The following CSMD1 variants were observed in gnomAD, a reference collection of about 807,000 sequenced individuals.
CSMD1 encodes the protein CUB and Sushi multiple domains 1, also known as CUB and sushi domain-containing protein 1.
Under a neutral mutation model 417.5 loss-of-function variants are expected in CSMD1, and 213 were observed. The ratio of observed to expected loss-of-function variants is 0.51; its 90% CI spans 0.46 to 0.57. CSMD1 has a LOEUF of 0.57. Among genes scored for constraint, CSMD1 ranks in the 20% least tolerant of loss-of-function variants. The pLI is 0.00. For missense variants in CSMD1, 6,923 were observed against 4,529.7 expected (o/e 1.53, Z -15.17); for synonymous variants, 2,862 against 1,736.8 (o/e 1.65, Z -16.11).
At chr8:4,553,805 G>A (rs1326545960) in intron 2 of CSMD1, among the ~76,000 whole-genome samples, 2 of 152,122 alleles carry the variant, frequency 1.3e-5, no homozygotes, top group East Asian at 3.9e-4. Context: ...AAAGACTTCT[G>A]GATCATCTAT....
chr8:3,960,900 A>G (rs2740834), intron 5 of CSMD1, among the ~76,000 whole-genome samples: 1 of 151,724 alleles, frequency 6.6e-6, no homozygotes, highest in Non-Finnish European at 1.5e-5. Context: ...CATATCACAA[A>G]AGTCCTCTAG....
At chr8:4,963,147 C>A (rs1026474942) in intron 1 of CSMD1, among the ~76,000 whole-genome samples, 1 of 152,090 alleles carries the variant, frequency 6.6e-6, no homozygotes, top group Admixed American at 6.6e-5. Flanking sequence ...CAGTCAATTG[C>A]CCTCTGTAAG....
chr8:4,533,811 T>C (rs574291378), intron 2 of CSMD1, among the ~76,000 whole-genome samples: 1 of 151,642 alleles, frequency 6.6e-6, no homozygotes, highest in East Asian at 1.9e-4. Context: ...CTATATTTTA[T>C]ATTTATATAA....
At chr8:3,931,890 T>C (rs74421265) in intron 5 of CSMD1, among the ~76,000 whole-genome samples, 3,127 of 143,770 alleles carry the variant, frequency 0.022, 244 homozygotes, top group African/African-American at 0.076. Flanking sequence ...TCAGACATTG[T>C]AGGAAAAGAA....
intron 12 of CSMD1, among the ~76,000 whole-genome samples, chr8:3,424,915 A>C (rs190878118): frequency 1.1e-3 from 168 of 152,234 alleles, no homozygotes; most frequent in African/African-American, 4.0e-3. Flanking sequence ...ACTCACTATG[A>C]TCTCAGGCTC....
intron 26 of CSMD1, among the ~76,000 whole-genome samples, chr8:3,253,487 G>A (rs895629707): frequency 3.9e-5 from 6 of 152,176 alleles, no homozygotes; most frequent in Non-Finnish European, 1.5e-5. Context: ...GTGTGGTGCT[G>A]AAAAGAATGT....
At chr8:3,524,418 C>CAA (rs1797666128) in intron 10 of CSMD1, among the ~76,000 whole-genome samples, 1 of 151,758 alleles carries the variant, frequency 6.6e-6, no homozygotes, top group Non-Finnish European at 1.5e-5. Context: ...TATGCACACA[C>CAA]AACCAGACAC....
chr8:4,344,733 T>C (rs1271769704), intron 3 of CSMD1, among the ~76,000 whole-genome samples: 1 of 152,036 alleles, frequency 6.6e-6, no homozygotes, highest in East Asian at 1.9e-4. Context: ...AGCAAAAGAA[T>C]ATAAAAGTTG....
chr8:4,243,640 A>C (rs965418772), intron 3 of CSMD1, among the ~76,000 whole-genome samples: 2 of 152,122 alleles, frequency 1.3e-5, no homozygotes, highest in African/African-American at 4.8e-5. Context: ...AAATTATTAC[A>C]GTTTCTTAAA....
At chr8:4,466,380 G>C (rs1465046404) in intron 2 of CSMD1, among the ~76,000 whole-genome samples, 1 of 152,186 alleles carries the variant, frequency 6.6e-6, no homozygotes, top group African/African-American at 2.4e-5. Flanking sequence ...GAGATGTATC[G>C]GGGAGTTGAA....
chr8:3,387,534 C>G lies in CSMD1; in HGVS notation c.2742G>C (p.Glu914Asp), dbSNP rs754369864. Residue 914 changes from glutamate (E) to aspartate (D), a missense_variant, in exon 18 of 70, where the codon GAG (glutamate) becomes GAC (aspartate). Physicochemically the swap from Glu to Asp is conservative, Grantham distance 45. Transcript: ENST00000635120. Reference sequence around the variant, plus strand: ...AGGCGTGGTTCCACTGGTGGTTCCTCTCACAGACGAGGGGCTCGTCGTCAC... The same window carrying G: ...AGGCGTGGTTCCACTGGTGGTTCCTGTCACAGACGAGGGGCTCGTCGTCAC... ...TLSDDEPLVC[E>D]RNHQWNHALP... 2.5e-6 allele frequency: 4 copies of G among 1,602,570 alleles called. No homozygotes were observed. The highest frequency in any genetic ancestry group is 1.7e-5 in the Admixed American group (1 of 58,604).
intron 23 of CSMD1, among the ~76,000 whole-genome samples, chr8:3,309,356 G>A (rs1031488137): frequency 4.2e-5 from 6 of 144,572 alleles, no homozygotes; most frequent in Non-Finnish European, 7.6e-5. Flanking sequence ...AATTACTGCC[G>A]ACCACACTCC....
intron 3 of CSMD1, among the ~76,000 whole-genome samples, chr8:4,312,229 G>A (rs551744476): frequency 6.6e-6 from 1 of 151,714 alleles, no homozygotes; most frequent in South Asian, 2.1e-4. Flanking sequence ...TGCATAGATA[G>A]CGTAACTGAT....
At chr8:3,889,326 A>C (rs1457479083) in intron 5 of CSMD1, among the ~76,000 whole-genome samples, 2 of 151,274 alleles carry the variant, frequency 1.3e-5, no homozygotes, top group African/African-American at 4.9e-5. Flanking sequence ...AAGAGACGAT[A>C]ATCTGCCATG....
chr8:4,208,627 C>G (rs1464024396), intron 3 of CSMD1, among the ~76,000 whole-genome samples: 2 of 152,062 alleles, frequency 1.3e-5, no homozygotes, highest in East Asian at 1.9e-4. Context: ...AGTCATAAAA[C>G]TAAGGCCGTG....
At chr8:4,994,306 C>T in intron 1 of CSMD1, 26 bp downstream of exon 1, 1 of 1,603,622 alleles carries the variant, frequency 6.2e-7, no homozygotes, top group South Asian at 1.1e-5. Context: ...CTACCGCCTC[C>T]CCGGCCAGGA....
intron 2 of CSMD1, among the ~76,000 whole-genome samples, chr8:4,431,552 C>T (rs562811771): frequency 1.1e-4 from 17 of 152,206 alleles, no homozygotes; most frequent in African/African-American, 4.1e-4. Context: ...TAATCTACAC[C>T]AGCCCCGGCC....
At position 4,746,414 on chromosome 8, in the gene CSMD1, G is replaced by A. The variant is rs147048212; in HGVS notation, c.86-108856C>T. On this transcript the variant is annotated intron_variant, in intron 1 of 69. Transcript: ENST00000635120. ...CAAATCTCATTTTAAGGCAAATGCA[G>A]CATTTTCTTCTTGCGAATGGAAGTG... Among the ~76,000 whole-genome samples, 89 of 152,300 alleles carry A rather than the reference G, an allele frequency of 5.8e-4. 2 individuals carry two copies. The highest frequency in any genetic ancestry group is 1.9e-3 in the African/African-American group (81 of 41,572).
intron 52 of CSMD1, among the ~76,000 whole-genome samples, chr8:3,000,971 C>G (rs1807355676): frequency 6.7e-6 from 1 of 150,348 alleles, no homozygotes; most frequent in Non-Finnish European, 1.5e-5. Flanking sequence ...ATTCCACTCA[C>G]TCCCACCATT....
Sources: gnomAD v4.1 joint callset for allele counts (sites outside exome capture counted in the v4.1 genomes callset) on GRCh38, gnomAD v4.1.1 for gene constraint, MANE v1.5 for transcripts, NCBI Gene and HGNC (gene_info 2026-07-23, HGNC 2026-07-21) for gene names.